Variants in SLC39A12 observed in about 807,000 individuals in gnomAD.
The protein encoded by SLC39A12 is zinc transporter ZIP12.
In SLC39A12, 63 loss-of-function variants were observed where a neutral mutation model predicts 71.1. The observed-to-expected ratio is 0.89, with a 90% CI of 0.72 to 1.09. The LOEUF (loss-of-function observed/expected upper bound fraction) is 1.09, where lower values mean the gene tolerates loss of function less well. Ranked by LOEUF, SLC39A12 falls within the 50% of genes least tolerant of loss-of-function variation. The probability of loss-of-function intolerance (pLI) is 0.00; values close to 1 mark genes in which losing one functional copy is unlikely to be tolerated. For synonymous variants in SLC39A12, 351 were observed against 301.3 expected, an observed-to-expected ratio of 1.16 and a Z score of -1.71; for missense variants, 892 against 812.6, an observed-to-expected ratio of 1.10 and a Z score of -1.19.
At chr10:17,982,456 C>G (rs1211380418) in intron 6 of SLC39A12, among the ~76,000 whole-genome samples, 1 of 145,544 alleles carries the variant, frequency 6.9e-6, no homozygotes, top group Non-Finnish European at 1.5e-5. Flanking sequence ...GTTTCTTTCT[C>G]TTTGAGAGAG....
In SLC39A12 at chr10:17,978,239, G is replaced by C. The variant is rs557159441; in HGVS notation, c.924+165G>C. ...TAGTTACGGTTTTCTTTTTCTACAA[G>C]TGTATCTCTGTAGACATAAAAACAA... On this transcript the variant is annotated intron_variant, in intron 5 of 12. Coordinates refer to ENST00000377369, the MANE Select transcript of SLC39A12 (RefSeq NM_001145195.2). Among the ~76,000 whole-genome samples the C allele has an allele frequency of 2.0e-5, 3 of 152,238 alleles. No individual in the cohort carries two copies. The South Asian group carries it at 6.2e-4, about 32-fold the overall frequency.
intron 6 of SLC39A12, among the ~76,000 whole-genome samples, chr10:17,982,099 A>T (rs951207540): frequency 1.3e-5 from 2 of 152,198 alleles, no homozygotes. Flanking sequence ...AGTAAACCAA[A>T]GCTCACTGGG....
chr10:18,036,769 TATATATATATATATA>T lies in SLC39A12; in HGVS notation c.1948-5935_1948-5921del, dbSNP rs1181013951. ...AATTATATATATATATATATATATA[TATATATATATATATA>T]TATATATATATTTTTTTTTTTAATG... is the stretch of plus-strand genomic sequence containing the variant. On this transcript the variant is annotated intron_variant, in intron 12 of 12. Coordinates refer to ENST00000377369, the MANE Select transcript of SLC39A12 (RefSeq NM_001145195.2). Among the ~76,000 whole-genome samples the T allele has an allele frequency of 2.4e-4, 19 of 79,402 alleles. 2 individuals carry two copies. The highest frequency in any genetic ancestry group is 6.2e-4 in the Admixed American group (4 of 6,480). The allele number at this position is 79,402 out of a possible 152,430, so 52.1% of individuals were successfully genotyped here.
chr10:17,993,219 C>T lies in SLC39A12; in HGVS notation c.1461C>T (p.Ser487=), dbSNP rs1351009816. ...LSLVNGHVGH[S]HHLALNSELS... ...TGGTTAATGGGCACGTGGGTCATTCCCACCATCTTGCACTCAACTCTGAAT... is the reference window on the plus strand; with the variant it reads ...TGGTTAATGGGCACGTGGGTCATTCTCACCATCTTGCACTCAACTCTGAAT... The change falls in exon 9 of 13, where the codon TCC becomes TCT. Residue 487 remains serine, a synonymous_variant. Transcript: ENST00000377369. The T allele has an allele frequency of 6.4e-7, 1 of 1,551,730 alleles. No homozygotes were observed. Among genetic ancestry groups the T allele is most frequent in the Admixed American group, 2.0e-5 (1 of 50,990 alleles).
intron 12 of SLC39A12, among the ~76,000 whole-genome samples, chr10:18,031,037 C>T (rs1262444003): frequency 6.6e-6 from 1 of 150,874 alleles, no homozygotes; most frequent in Non-Finnish European, 1.5e-5. Flanking sequence ...TTTCTTAATC[C>T]AGTCTGTCAT....
rs771564895 is a variant in SLC39A12 at position 18,018,025 on chromosome 10, A to G, written c.1947+14667A>G. Among the ~76,000 whole-genome samples the G allele has an allele frequency of 5.3e-5, 8 of 152,136 alleles. 1 individual carries two copies. Among genetic ancestry groups the G allele is most frequent in the South Asian group, 4.1e-4 (2 of 4,830 alleles). ...GTCTTCCTACCCTTGAACATGGAAT[A>G]CCTTTCCATTTATTTAGTCTTTTGA... On this transcript the variant is annotated intron_variant, in intron 12 of 12. Transcript: ENST00000377369.
chr10:18,000,592 TG>T, intron 10 of SLC39A12, 74 bp from the exon 11 acceptor site: 1 of 1,374,204 alleles, frequency 7.3e-7, no homozygotes, highest in Non-Finnish European at 1.0e-6. Flanking sequence ...GTGGGAAGGT[TG>T]GTTGGTTTTG....
At chr10:18,025,947 C>T (rs1317821870) in intron 12 of SLC39A12, among the ~76,000 whole-genome samples, 1 of 152,168 alleles carries the variant, frequency 6.6e-6, no homozygotes, top group Non-Finnish European at 1.5e-5. Flanking sequence ...TACTACTTCA[C>T]AAGTAGTGCC....
chr10:17,961,156 A>C (rs1834678405), intron 2 of SLC39A12, among the ~76,000 whole-genome samples: 1 of 152,200 alleles, frequency 6.6e-6, no homozygotes, highest in African/African-American at 2.4e-5. Context: ...GGTGAAATTG[A>C]CATAAAATCA....
chr10:17,990,841 T>C (rs1171740636), intron 7 of SLC39A12, among the ~76,000 whole-genome samples: 1 of 152,238 alleles, frequency 6.6e-6, no homozygotes, highest in Admixed American at 6.5e-5. Context: ...GGACTGAGTT[T>C]GTGTGAAAAT....
intron 12 of SLC39A12, chr10:18,007,412 TGCA>T (rs1444633981): frequency 1.3e-5 from 2 of 152,260 alleles, no homozygotes; most frequent in East Asian, 3.9e-4. Flanking sequence ...CTCCTCACCA[TGCA>T]GCAGCACCCC....
intron 12 of SLC39A12, among the ~76,000 whole-genome samples, chr10:18,015,097 G>A (rs969546367): frequency 1.2e-4 from 19 of 152,256 alleles, no homozygotes; most frequent in African/African-American, 4.3e-4. Flanking sequence ...TCAGCAAGTT[G>A]TGATCTCATA....
chr10:18,029,740 C>A (rs1268377640), intron 12 of SLC39A12, among the ~76,000 whole-genome samples: 1 of 151,808 alleles, frequency 6.6e-6, no homozygotes, highest in African/African-American at 2.4e-5. Context: ...AGGGATTTTT[C>A]TTTCCTTTTT....
chr10:18,037,777 A>G (rs954662901), intron 12 of SLC39A12, among the ~76,000 whole-genome samples: 1 of 152,086 alleles, frequency 6.6e-6, no homozygotes, highest in Non-Finnish European at 1.5e-5. Context: ...TAATCCCAGC[A>G]CTTTGGGAGG....
chr10:17,965,055 A>C (rs1834787823), intron 3 of SLC39A12, among the ~76,000 whole-genome samples: 1 of 152,032 alleles, frequency 6.6e-6, no homozygotes, highest in African/African-American at 2.4e-5. Context: ...AAAAATACAA[A>C]AATTAGCCAG....
chr10:17,960,741 C>T (rs1205455369), intron 2 of SLC39A12, among the ~76,000 whole-genome samples: 1 of 152,208 alleles, frequency 6.6e-6, no homozygotes, highest in African/African-American at 2.4e-5. Context: ...CCGCTTGTAA[C>T]TGTTGGGCAC....
At position 17,993,283 on chromosome 10, in the gene SLC39A12, A is replaced by G; in HGVS notation, c.1525A>G (p.Ile509Val). Reference protein sequence around the residue: ...QAGRGKSASTIQLKSPEDSQA... With the variant: ...QAGRGKSASTVQLKSPEDSQA... Reference sequence around the variant, plus strand: ...AGGCAGAGGCAAATCTGCTTCAACTATCCAGTTGGTAGGTTCCTGATCTGA... The same window carrying G: ...AGGCAGAGGCAAATCTGCTTCAACTGTCCAGTTGGTAGGTTCCTGATCTGA... The change falls in exon 9 of 13, where the codon ATC becomes GTC. Residue 509 changes from isoleucine (I) to valine (V), a missense_variant. Transcript: ENST00000377369. 3.2e-6 allele frequency: 5 copies of G among 1,549,110 alleles called. No individual in the cohort carries two copies. The highest frequency in any genetic ancestry group is 1.2e-5 in the South Asian group (1 of 83,926).
intron 7 of SLC39A12, 39 bp downstream of exon 7, chr10:17,987,690 A>G (rs777020312): frequency 3.1e-6 from 5 of 1,607,476 alleles, no homozygotes; most frequent in Non-Finnish European, 3.4e-6. Flanking sequence ...AGTTCACTTC[A>G]TTGCTCTTCA....
chr10:17,961,130 T>C (rs1374120709), intron 2 of SLC39A12, among the ~76,000 whole-genome samples: 4 of 152,056 alleles, frequency 2.6e-5, no homozygotes, highest in African/African-American at 7.2e-5. Context: ...ACCTGGAAGA[T>C]TGTGGGAAAG....
Sources: allele counts gnomAD v4.1 joint callset (sites outside exome capture counted in the v4.1 genomes callset), GRCh38; gene constraint gnomAD v4.1.1; transcripts MANE v1.5; gene names NCBI Gene and HGNC (gene_info 2026-07-23, HGNC 2026-07-21).